The following CRPPA variants were observed in gnomAD, a reference collection of about 807,000 sequenced individuals.
CRPPA encodes D-ribitol-5-phosphate cytidylyltransferase.
In CRPPA, 43 loss-of-function variants were observed where a neutral mutation model predicts 52.0. The ratio of observed to expected loss-of-function variants is 0.83; its 90% confidence interval spans 0.65 to 1.07. CRPPA has a LOEUF of 1.07. Ranked by LOEUF, CRPPA falls within the 50% of genes least tolerant of loss-of-function variation. The pLI is 0.00. For missense variants in CRPPA, 629 were observed against 551.7 expected (o/e 1.14, Z -1.40); for synonymous variants, 250 against 203.5 (o/e 1.23, Z -1.94).
intron 9 of CRPPA, among the ~76,000 whole-genome samples, chr7:16,131,898 T>C (rs1006206229): frequency 6.6e-6 from 1 of 152,154 alleles, no homozygotes; most frequent in African/African-American, 2.4e-5. Context: ...TCAAAGGTCA[T>C]CAGGCAGAGC....
At chr7:16,401,038 G>A (rs1787804755) in intron 2 of CRPPA, among the ~76,000 whole-genome samples, 1 of 152,156 alleles carries the variant, frequency 6.6e-6, no homozygotes, top group Admixed American at 6.5e-5. Flanking sequence ...TCATGATAGA[G>A]GCATGACTAA....
At chr7:16,142,224 T>G (rs1304917050) in intron 9 of CRPPA, among the ~76,000 whole-genome samples, 1 of 152,256 alleles carries the variant, frequency 6.6e-6, no homozygotes, top group South Asian at 2.1e-4. Flanking sequence ...TAATTTTAGG[T>G]TCAGGGCTAC....
chr7:16,395,985 T>C lies in CRPPA; in HGVS notation c.534+10076A>G, dbSNP rs185937713. Among the ~76,000 whole-genome samples, 68 of 152,310 alleles carry C rather than the reference T, an allele frequency of 4.5e-4. 1 individual carries two copies. Among genetic ancestry groups the C allele is most frequent in the African/African-American group, 1.1e-3 (46 of 41,574 alleles). Reference sequence around the variant, plus strand: ...CTCATTCCCATAGCACCTCAGAGAATAGGTCAGTCCTTGGTCCAGGCAATT... The same window carrying C: ...CTCATTCCCATAGCACCTCAGAGAACAGGTCAGTCCTTGGTCCAGGCAATT... On this transcript the variant is annotated intron_variant, in intron 2 of 9. Coordinates refer to ENST00000407010, the MANE Select transcript of CRPPA (RefSeq NM_001101426.4).
chr7:16,221,456 A>C (rs1211276660), intron 8 of CRPPA, among the ~76,000 whole-genome samples: 2 of 152,258 alleles, frequency 1.3e-5, no homozygotes, highest in South Asian at 2.1e-4. Flanking sequence ...GGATCTGATC[A>C]AACTAAAGAG....
intron 8 of CRPPA, among the ~76,000 whole-genome samples, chr7:16,251,731 T>G (rs1209773113): frequency 6.6e-6 from 1 of 152,106 alleles, no homozygotes; most frequent in African/African-American, 2.4e-5. Flanking sequence ...TAAAGCAGTG[T>G]GTAGAGGGAA....
chr7:16,279,752 A>C (rs2128418059), intron 5 of CRPPA, among the ~76,000 whole-genome samples: 1 of 152,298 alleles, frequency 6.6e-6, no homozygotes, highest in Middle Eastern at 3.4e-3. Flanking sequence ...AGAAGGAAAC[A>C]ACATTTTAAT....
At chr7:16,203,444 C>G (rs7801673) in intron 9 of CRPPA, among the ~76,000 whole-genome samples, 52,813 of 151,964 alleles carry the variant, frequency 0.35, 9,379 homozygotes, top group East Asian at 0.53. Flanking sequence ...CAGGCTTAAT[C>G]AGAGTTAGAA....
At chr7:16,187,545 A>G (rs536704606) in intron 9 of CRPPA, among the ~76,000 whole-genome samples, 1 of 152,316 alleles carries the variant, frequency 6.6e-6, no homozygotes, top group African/African-American at 2.4e-5. Flanking sequence ...TTTTCTGTTA[A>G]CCTTAAGAGA....
chr7:16,249,493 T>C (rs960824079), intron 8 of CRPPA, among the ~76,000 whole-genome samples: 7 of 152,144 alleles, frequency 4.6e-5, no homozygotes, highest in Non-Finnish European at 1.0e-4. Flanking sequence ...GGCTGGCATC[T>C]GGTGGGTGCC....
intron 3 of CRPPA, among the ~76,000 whole-genome samples, chr7:16,371,607 A>G (rs1162417195): frequency 1.3e-5 from 2 of 152,134 alleles, no homozygotes; most frequent in African/African-American, 4.8e-5. Context: ...CTACCCAAAT[A>G]AGAAAGAATC....
intron 3 of CRPPA, among the ~76,000 whole-genome samples, chr7:16,315,093 T>C (rs1166302940): frequency 6.6e-6 from 1 of 152,144 alleles, no homozygotes; most frequent in African/African-American, 2.4e-5. Context: ...GTTTTGCAAA[T>C]TTCTATGAAG....
At position 16,155,060 on chromosome 7, in the gene CRPPA, C is replaced by T. The variant is rs572709368; in HGVS notation, c.1251+61006G>A. ...CTTCAACTCCTGACCTCAAATGATC[C>T]GCCTGCCTTGGCCTCCCAAAATGCT... is the stretch of plus-strand genomic sequence containing the variant. On this transcript the variant is annotated intron_variant, in intron 9 of 9. Coordinates refer to ENST00000407010, the MANE Select transcript of CRPPA (RefSeq NM_001101426.4). 5.3e-5 allele frequency among the ~76,000 whole-genome samples: 8 copies of T among 151,488 alleles called. No individual in the cohort carries two copies. In the South Asian group the frequency reaches 1.3e-3, roughly 24 times the overall value.
intron 9 of CRPPA, among the ~76,000 whole-genome samples, chr7:16,154,566 A>G (rs1293699366): frequency 6.6e-6 from 1 of 152,196 alleles, no homozygotes; most frequent in African/African-American, 2.4e-5. Flanking sequence ...TTCTAAGAAT[A>G]AAAAATGTGT....
At chr7:16,416,623 G>T (rs7811104) in intron 1 of CRPPA, among the ~76,000 whole-genome samples, 66,835 of 151,580 alleles carry the variant, frequency 0.44, 15,330 homozygotes, top group African/African-American at 0.56. Flanking sequence ...TCACCTGAGC[G>T]CAGGAGCTCA....
intron 3 of CRPPA, among the ~76,000 whole-genome samples, chr7:16,314,904 G>T (rs1373308637): frequency 6.6e-6 from 1 of 152,010 alleles, no homozygotes; most frequent in African/African-American, 2.4e-5. Context: ...AAGCTTCCTG[G>T]ATCTTTGGTT....
intron 6 of CRPPA, among the ~76,000 whole-genome samples, chr7:16,262,397 A>C (rs558360431): frequency 6.6e-6 from 1 of 152,210 alleles, no homozygotes; most frequent in East Asian, 1.9e-4. Flanking sequence ...CGCTGCTTTC[A>C]TAATAATTTT....
intron 6 of CRPPA, 109 bp from the exon 7 acceptor site, chr7:16,259,121 T>C: frequency 1.8e-6 from 1 of 548,332 alleles, no homozygotes; most frequent in South Asian, 2.8e-5. Flanking sequence ...CCAAGGACCA[T>C]ATATTTTTTA....
intron 6 of CRPPA, 43 bp from the exon 7 acceptor site, chr7:16,259,055 C>G (rs757453295): frequency 7.8e-7 from 1 of 1,284,918 alleles, no homozygotes; most frequent in Non-Finnish European, 1.1e-6. Context: ...TTAGATAGAC[C>G]AAACATAAAC....
chr7:16,310,723 T>C (rs1785017664), intron 3 of CRPPA, among the ~76,000 whole-genome samples: 1 of 152,064 alleles, frequency 6.6e-6, no homozygotes, highest in Non-Finnish European at 1.5e-5. Flanking sequence ...TGAACAACAT[T>C]GAATTTCCAG....
Sources: allele counts gnomAD v4.1 joint callset (sites outside exome capture counted in the v4.1 genomes callset), GRCh38; gene constraint gnomAD v4.1.1; transcripts MANE v1.5; gene names NCBI Gene and HGNC (gene_info 2026-07-23, HGNC 2026-07-21).